Variants in PDHX observed in about 807,000 individuals in gnomAD.
PDHX encodes the protein pyruvate dehydrogenase protein X component, mitochondrial.
Under a neutral mutation model 55.3 loss-of-function variants are expected in PDHX, and 33 were observed. The ratio of observed to expected loss-of-function variants is 0.60; its 90% CI spans 0.45 to 0.80. PDHX has a LOEUF of 0.80. Among genes scored for constraint, PDHX ranks in the 30% least tolerant of loss-of-function variants. The pLI, the probability that PDHX is intolerant of heterozygous loss-of-function variation, is 0.00. For synonymous variants in PDHX, 226 were observed against 219.4 expected (o/e 1.03, Z -0.27); for missense variants, 622 against 619.9 (o/e 1.00, Z -0.04).
In PDHX at chr11:34,983,488, C is replaced by G. The variant is rs1467924040; in HGVS notation, c.1024-1082C>G. Among the ~76,000 whole-genome samples, 8 of 152,282 alleles carry G rather than the reference C, an allele frequency of 5.3e-5. No individual in the cohort carries two copies. In the East Asian group the frequency reaches 7.7e-4, roughly 15 times the overall value. On this transcript the variant is annotated intron_variant, in intron 8 of 10. Coordinates refer to ENST00000227868, the MANE Select transcript of PDHX (RefSeq NM_003477.3). ...AGGAAAAGAAGAAGTCAAATTGTCC[C>G]TGTTTGCAGATGACATGATTGTATA... is the stretch of plus-strand genomic sequence containing the variant.
intron 4 of PDHX, among the ~76,000 whole-genome samples, chr11:34,960,199 A>G (rs1410138675): frequency 1.3e-5 from 2 of 152,236 alleles, no homozygotes; most frequent in Non-Finnish European, 2.9e-5. Context: ...ATTCTTATTA[A>G]AATCATATTT....
chr11:34,939,746 C>T (rs1219521732), intron 2 of PDHX, among the ~76,000 whole-genome samples: 1 of 152,124 alleles, frequency 6.6e-6, no homozygotes, highest in Admixed American at 6.5e-5. Flanking sequence ...TAAATTATTT[C>T]CGTCTTTGTT....
intron 10 of PDHX, among the ~76,000 whole-genome samples, chr11:34,992,678 T>C (rs770005460): frequency 1.3e-5 from 2 of 152,184 alleles, no homozygotes; most frequent in African/African-American, 2.4e-5. Flanking sequence ...TGTAATATTA[T>C]ATTGCTATGT....
At chr11:34,966,339 T>C (rs1035477377) in intron 5 of PDHX, among the ~76,000 whole-genome samples, 3 of 152,170 alleles carry the variant, frequency 2.0e-5, no homozygotes, top group African/African-American at 7.2e-5. Flanking sequence ...CCAAATAACG[T>C]CCACTGCACA....
At chr11:34,916,191 T>G (rs1227485741), upstream of PDHX, 2 of 1,598,660 alleles carry the variant, frequency 1.3e-6, no homozygotes, top group Admixed American at 1.7e-5. Flanking sequence ...GGGCCTCTCC[T>G]CCTGGGAATA....
chr11:34,959,575 A>G (rs542632994), intron 4 of PDHX, among the ~76,000 whole-genome samples: 1 of 151,970 alleles, frequency 6.6e-6, no homozygotes, highest in African/African-American at 2.4e-5. Context: ...ATCATCTAGT[A>G]GGTCCACTTC....
In PDHX at chr11:34,947,487, A is replaced by G. The variant is rs1211560514; in HGVS notation, c.242-19A>G. 1 of 1,554,544 alleles carries G rather than the reference A, an allele frequency of 6.4e-7. No individual in the cohort carries two copies. Among genetic ancestry groups the G allele is most frequent in the East Asian group, 2.2e-5 (1 of 44,562 alleles). On this transcript the variant is annotated intron_variant, in intron 2 of 10. Transcript: ENST00000227868. ...ATTTATATTTTAAAAAACAAAACAAACCCAGTCTTGTTTTGTAGGTGAAGC... is the reference window on the plus strand; with the variant it reads ...ATTTATATTTTAAAAAACAAAACAAGCCCAGTCTTGTTTTGTAGGTGAAGC...
At position 34,926,665 on chromosome 11, in the gene PDHX, A is replaced by G. The variant is rs554134704; in HGVS notation, c.161-4739A>G. Reference sequence around the variant, plus strand: ...ATTTGTATTTTAAGAGTTTGCTTGTATTAAATTTTTTTTTTAATCTAGAGA... The same window carrying G: ...ATTTGTATTTTAAGAGTTTGCTTGTGTTAAATTTTTTTTTTAATCTAGAGA... On this transcript the variant is annotated intron_variant, in intron 1 of 10. Transcript: ENST00000227868. Among the ~76,000 whole-genome samples, 13 of 58,124 alleles carry G rather than the reference A, an allele frequency of 2.2e-4. No homozygotes were observed. In the East Asian group the frequency reaches 6.9e-3, roughly 31 times the overall value. 38.1% of individuals were successfully genotyped at this position (58,124 alleles called of 152,430 possible). A position where few individuals can be genotyped will look rare whatever the true frequency, so the allele number is the denominator to read the frequency against.
chr11:34,935,300 C>T (rs1486355980), intron 2 of PDHX, among the ~76,000 whole-genome samples: 2 of 152,082 alleles, frequency 1.3e-5, no homozygotes, highest in Non-Finnish European at 2.9e-5. Flanking sequence ...ACAATACCAT[C>T]TATAAAGCTG....
intron 8 of PDHX, among the ~76,000 whole-genome samples, chr11:34,979,673 A>G (rs897057520): frequency 2.0e-5 from 3 of 152,090 alleles, no homozygotes; most frequent in African/African-American, 7.2e-5. Flanking sequence ...TTAATGATTT[A>G]ATTAATTGAC....
At chr11:34,987,942 C>T (rs574481544) in intron 9 of PDHX, among the ~76,000 whole-genome samples, 5 of 152,094 alleles carry the variant, frequency 3.3e-5, no homozygotes, top group South Asian at 2.1e-4. Flanking sequence ...TACCGCATCC[C>T]CCAAAAAGGG....
intron 2 of PDHX, among the ~76,000 whole-genome samples, chr11:34,944,153 C>G (rs2133959569): frequency 6.6e-6 from 1 of 151,302 alleles, no homozygotes; most frequent in Middle Eastern, 3.4e-3. Context: ...AGTTTTTGCT[C>G]TTGTTGCCCA....
intron 8 of PDHX, among the ~76,000 whole-genome samples, chr11:34,983,101 A>T (rs1446601857): frequency 6.6e-6 from 1 of 152,208 alleles, no homozygotes; most frequent in African/African-American, 2.4e-5. Flanking sequence ...CATCCCTGGG[A>T]TGCAAGGGTG....
chr11:34,966,476 A>G (rs1471483046), intron 5 of PDHX, among the ~76,000 whole-genome samples, 164 bp from the exon 6 acceptor site: 4 of 152,232 alleles, frequency 2.6e-5, no homozygotes, highest in African/African-American at 4.8e-5. Context: ...CAGACCAGGT[A>G]AGAGACAGGA....
chr11:34,982,088 C>G (rs1855526741), intron 8 of PDHX, among the ~76,000 whole-genome samples: 1 of 152,162 alleles, frequency 6.6e-6, no homozygotes, highest in Admixed American at 6.5e-5. Context: ...TGCCTGTGTT[C>G]TGAATGGTAT....
intron 7 of PDHX, among the ~76,000 whole-genome samples, chr11:34,976,798 AG>A (rs1366632178): frequency 6.6e-6 from 1 of 152,142 alleles, no homozygotes; most frequent in African/African-American, 2.4e-5. Flanking sequence ...CTTAGGTGGT[AG>A]GTTTGGGGGT....
At chr11:34,959,969 G>T (rs1854989240) in intron 4 of PDHX, among the ~76,000 whole-genome samples, 1 of 152,170 alleles carries the variant, frequency 6.6e-6, no homozygotes, top group Non-Finnish European at 1.5e-5. Flanking sequence ...GGAGATAGAT[G>T]GTGGTGATGG....
At chr11:34,971,477 C>G (rs1855257149) in intron 7 of PDHX, among the ~76,000 whole-genome samples, 1 of 152,130 alleles carries the variant, frequency 6.6e-6, no homozygotes, top group East Asian at 1.9e-4. Flanking sequence ...CCATTCCTAA[C>G]TTGCAGAGAG....
chr11:34,932,546 T>G (rs1020639553), intron 2 of PDHX, among the ~76,000 whole-genome samples: 1 of 152,188 alleles, frequency 6.6e-6, no homozygotes, highest in Non-Finnish European at 1.5e-5. Context: ...TCTTACTGAT[T>G]ATATTGACAG....
Sources: allele counts gnomAD v4.1 joint callset (sites outside exome capture counted in the v4.1 genomes callset), GRCh38; gene constraint gnomAD v4.1.1; transcripts MANE v1.5; gene names NCBI Gene and HGNC (gene_info 2026-07-23, HGNC 2026-07-21).